Variants in DNAAF1 observed in about 807,000 individuals in gnomAD.
DNAAF1 encodes dynein axonemal assembly factor 1.
In DNAAF1, 65 loss-of-function variants were observed where a neutral mutation model predicts 71.1. That is an observed-to-expected ratio of 0.91 (90% CI 0.75 to 1.12). DNAAF1 has a LOEUF of 1.12. Ranked by LOEUF, DNAAF1 falls within the 50% of genes most tolerant of loss-of-function variation. DNAAF1 has a pLI of 0.00. For missense variants in DNAAF1, 1,178 were observed against 899.8 expected (o/e 1.31, Z -3.96); for synonymous variants, 414 against 354.6 (o/e 1.17, Z -1.88).
chr16:84,173,223 G>A, intron 9 of DNAAF1: 2 of 973,528 alleles, frequency 2.1e-6, no homozygotes, highest in Non-Finnish European at 2.4e-6. Flanking sequence ...CAGCACTTTG[G>A]GAGGCCGAGG....
chr16:84,174,828 A>C, intron 10 of DNAAF1, 106 bp downstream of exon 10: 1 of 1,403,212 alleles, frequency 7.1e-7, no homozygotes, highest in South Asian at 1.2e-5. Flanking sequence ...TTCCCTGTGC[A>C]TAAAGCATTG....
At chr16:84,151,572 G>T (rs911221263) in intron 3 of DNAAF1, among the ~76,000 whole-genome samples, 7 of 152,182 alleles carry the variant, frequency 4.6e-5, no homozygotes, top group Admixed American at 2.0e-4. Context: ...GAAGAGCTGG[G>T]AGAGAGAGGT....
At chr16:84,163,044 A>G (rs564139843) in intron 6 of DNAAF1, among the ~76,000 whole-genome samples, 1 of 152,190 alleles carries the variant, frequency 6.6e-6, no homozygotes, top group Non-Finnish European at 1.5e-5. Context: ...CCAGTACTTC[A>G]TTCCTTTTTA....
intron 9 of DNAAF1, 128 bp from the exon 10 acceptor site, chr16:84,174,541 G>A: frequency 6.3e-7 from 1 of 1,575,510 alleles, no homozygotes; most frequent in South Asian, 1.1e-5. Context: ...AGGCAGGCGA[G>A]TCACCTGAGT....
At chr16:84,159,142 T>A in intron 5 of DNAAF1, 1 of 996,868 alleles carries the variant, frequency 1.0e-6, no homozygotes, top group Non-Finnish European at 1.2e-6. Context: ...TCCTCCCTGG[T>A]CCTAAGTGAC....
chr16:84,156,427 C>T (rs1277382063), intron 5 of DNAAF1, among the ~76,000 whole-genome samples: 1 of 152,188 alleles, frequency 6.6e-6, no homozygotes, highest in African/African-American at 2.4e-5. Context: ...ATCCAGGCTC[C>T]ATATTTCACC....
intron 2 of DNAAF1, among the ~76,000 whole-genome samples, chr16:84,149,465 G>A (rs1380465898): frequency 6.6e-6 from 1 of 152,082 alleles, no homozygotes; most frequent in Non-Finnish European, 1.5e-5. Context: ...GCTGAGGTGG[G>A]CGAATCACAA....
rs4575519 is a variant in DNAAF1, at chr16:84,170,592, G to C, written c.1528+236G>C. ...TATTTAAAAAAGCAAAAGGAACTTT[G>C]GGAGGCCAAGGCAGAAGGACTGATT... On this transcript the variant is annotated intron_variant, in intron 8 of 11. Transcript: ENST00000378553. Among the ~76,000 whole-genome samples, 48,256 of 152,050 alleles carry C rather than the reference G, an allele frequency of 0.32. 8,116 individuals are homozygous for C. The highest frequency in any genetic ancestry group is 0.37 in the Non-Finnish European group (25,329 of 67,974).
chr16:84,167,998 CAA>C (rs1297099087), intron 7 of DNAAF1, among the ~76,000 whole-genome samples: 1 of 149,834 alleles, frequency 6.7e-6, no homozygotes, highest in African/African-American at 2.5e-5. Context: ...GCCTGGGCGA[CAA>C]GAGCGAAACT....
intron 11 of DNAAF1, 55 bp from the exon 12 acceptor site, chr16:84,177,674 T>C: frequency 7.3e-6 from 11 of 1,501,436 alleles, no homozygotes; most frequent in Non-Finnish European, 9.3e-6. Flanking sequence ...GCTGCCCCCC[T>C]GTCCTTGCAG....
chr16:84,156,279 T>A (rs1335412943), intron 5 of DNAAF1, among the ~76,000 whole-genome samples: 3 of 152,222 alleles, frequency 2.0e-5, no homozygotes, highest in Non-Finnish European at 4.4e-5. Context: ...CAATTAATTT[T>A]TCAAGGAAAC....
At chr16:84,172,887 TG>T in intron 9 of DNAAF1, 1 of 1,010,896 alleles carries the variant, frequency 9.9e-7, no homozygotes, top group Non-Finnish European at 1.2e-6. Flanking sequence ...CTTGAGTGAA[TG>T]TTTGATCGCA....
chr16:84,177,888 C>T lies in DNAAF1; in HGVS notation c.*47C>T, dbSNP rs1225403462. 25 of 1,482,460 alleles carry T rather than the reference C, an allele frequency of 1.7e-5. No homozygotes were observed. The East Asian group carries it at 4.5e-4, about 27-fold the overall frequency. 91.8% of individuals were successfully genotyped at this position (1,482,460 alleles called of 1,614,324 possible). On this transcript the variant is annotated 3_prime_UTR_variant, in exon 12 of 12. Coordinates refer to ENST00000378553, the MANE Select transcript of DNAAF1 (RefSeq NM_178452.6). ...ATAAATGGTTTAATCATAAATGTCT[C>T]CCTTAGGCATGATAAACATTTTAAC...
chr16:84,171,715 G>C (rs1403612954), intron 8 of DNAAF1, among the ~76,000 whole-genome samples: 1 of 152,078 alleles, frequency 6.6e-6, no homozygotes, highest in African/African-American at 2.4e-5. Context: ...GATTCCTGCG[G>C]CTGCTGCTTT....
intron 11 of DNAAF1, chr16:84,177,407 C>G (rs1483699310): frequency 5.5e-6 from 2 of 366,568 alleles, no homozygotes; most frequent in Admixed American, 7.5e-5. Context: ...TCTGAAGTAG[C>G]TGGGATTACA....
At chr16:84,159,473 C>G (rs1455520556) in intron 5 of DNAAF1, among the ~76,000 whole-genome samples, 1 of 152,196 alleles carries the variant, frequency 6.6e-6, no homozygotes, top group Non-Finnish European at 1.5e-5. Context: ...GAAAGGGCTG[C>G]TGAATGATCT....
chr16:84,165,354 T>G (rs2087919759), intron 6 of DNAAF1, among the ~76,000 whole-genome samples: 2 of 152,176 alleles, frequency 1.3e-5, no homozygotes, highest in African/African-American at 4.8e-5. Flanking sequence ...AGTTGTCTTT[T>G]TACTTTTTTT....
Position 84,176,082 on chromosome 16 carries a change from G to A in DNAAF1, c.1848G>A (p.Ala616=), listed in dbSNP as rs76108116. The A allele has an allele frequency of 9.2e-3, 14,822 of 1,613,946 alleles. 1,177 individuals are homozygous for A. In the African/African-American group the frequency reaches 0.17, roughly 19 times the overall value. Residue 616 remains alanine, a synonymous_variant, in exon 11 of 12, where the codon GCG becomes GCA. Coordinates refer to ENST00000378553, the MANE Select transcript of DNAAF1 (RefSeq NM_178452.6). ...CAGTCTCTAAAGACACCTCAAAGGC[G>A]GCTCGGGTGCCCTTCACAGACATCT... ...IFAVSKDTSK[A]ARVPFTDIFK...
At chr16:84,173,283 GA>G (rs1327306896) in intron 9 of DNAAF1, 1 of 791,894 alleles carries the variant, frequency 1.3e-6, no homozygotes, top group African/African-American at 1.9e-5. Context: ...CTAACATGGT[GA>G]AAACCCATCT....
Sources: gnomAD v4.1 joint callset for allele counts (sites outside exome capture counted in the v4.1 genomes callset) on GRCh38, gnomAD v4.1.1 for gene constraint, MANE v1.5 for transcripts, NCBI Gene and HGNC (gene_info 2026-07-23, HGNC 2026-07-21) for gene names.